Variants in PDE9A observed in about 807,000 individuals in gnomAD.
PDE9A encodes high affinity cGMP-specific 3',5'-cyclic phosphodiesterase 9A.
In PDE9A, 60 loss-of-function variants were observed where a neutral mutation model predicts 87.4. The ratio of observed to expected loss-of-function variants is 0.69; its 90% CI spans 0.56 to 0.85. PDE9A has a LOEUF of 0.85. PDE9A is among the 40% of genes least tolerant of loss of function. PDE9A has a pLI of 0.00. For synonymous variants in PDE9A, 272 were observed against 279.4 expected (o/e 0.97, Z 0.27); for missense variants, 665 against 779.0 (o/e 0.85, Z 1.74).
intron 4 of PDE9A, among the ~76,000 whole-genome samples, chr21:42,710,944 C>T (rs570067152): frequency 3.4e-4 from 52 of 152,174 alleles, no homozygotes; most frequent in African/African-American, 1.2e-3. Flanking sequence ...GCTGAGATCG[C>T]GCCTTGCACT....
chr21:42,718,729 C>T (rs1418584426), intron 4 of PDE9A, among the ~76,000 whole-genome samples: 1 of 151,782 alleles, frequency 6.6e-6, no homozygotes, highest in African/African-American at 2.4e-5. Context: ...ATTAAAGTCT[C>T]GTTTGCTCAT....
chr21:42,684,402 C>T (rs1002051559), intron 1 of PDE9A, among the ~76,000 whole-genome samples: 1 of 152,204 alleles, frequency 6.6e-6, no homozygotes, highest in Admixed American at 6.5e-5. Context: ...CGACCCCAGC[C>T]CAGGCTCTGC....
At chr21:42,658,714 G>A (rs968493453) in intron 1 of PDE9A, among the ~76,000 whole-genome samples, 2 of 152,118 alleles carry the variant, frequency 1.3e-5, no homozygotes, top group Non-Finnish European at 2.9e-5. Context: ...GGTGGACGGC[G>A]GCTCTCCTCG....
intron 4 of PDE9A, among the ~76,000 whole-genome samples, chr21:42,727,077 CAAAAAAAA>C (rs34249348): frequency 4.9e-5 from 4 of 81,676 alleles, no homozygotes; most frequent in South Asian, 4.4e-4. Flanking sequence ...TCTATTTCTA[CAAAAAAAA>C]AAAAAAAAAA....
chr21:42,662,970 G>A (rs961433225), intron 1 of PDE9A, among the ~76,000 whole-genome samples: 6 of 116,804 alleles, frequency 5.1e-5, no homozygotes, highest in Non-Finnish European at 8.7e-5. Context: ...CACACGCCAC[G>A]CGCCTCACAC....
intron 1 of PDE9A, among the ~76,000 whole-genome samples, chr21:42,676,255 C>T (rs1005677913): frequency 1.3e-5 from 2 of 152,154 alleles, no homozygotes; most frequent in Non-Finnish European, 2.9e-5. Flanking sequence ...GCAAGAACAG[C>T]CTCATGCACT....
At chr21:42,726,618 A>ATT (rs1486108848) in intron 4 of PDE9A, among the ~76,000 whole-genome samples, 9 of 23,036 alleles carry the variant, frequency 3.9e-4, no homozygotes, top group African/African-American at 1.3e-3. Context: ...ATATATATAT[A>ATT]TATATATTTT....
At chr21:42,758,214 C>T (rs778190305) in intron 10 of PDE9A, 1 of 152,264 alleles carries the variant, frequency 6.6e-6, no homozygotes, top group Non-Finnish European at 1.5e-5. Flanking sequence ...AAAATCACTT[C>T]ATCTTTTCCT....
intron 4 of PDE9A, among the ~76,000 whole-genome samples, chr21:42,718,957 G>A (rs990950042): frequency 6.6e-6 from 1 of 151,716 alleles, no homozygotes; most frequent in Non-Finnish European, 1.5e-5. Flanking sequence ...TCTGAACTTC[G>A]TGCAGCCTGG....
chr21:42,660,165 C>T lies in PDE9A; in HGVS notation c.69+6282C>T, dbSNP rs1009051793. Among the ~76,000 whole-genome samples the T allele has an allele frequency of 2.0e-5, 3 of 152,166 alleles. No individual in the cohort carries two copies. The highest frequency in any genetic ancestry group is 6.5e-5 in the Admixed American group (1 of 15,282). On this transcript the variant is annotated intron_variant, in intron 1 of 19. Transcript: ENST00000291539. This position sits in a 1 kb window ranked among gnomAD's most constrained non-coding sequence, Gnocchi z 4.7. ...CCTGGGTGCAGGTGACCCAGCAAGC[C>T]GCACTCCTGGGAAATTTCAGAAGGT...
intron 1 of PDE9A, among the ~76,000 whole-genome samples, chr21:42,664,256 C>T (rs2057804444): frequency 6.6e-6 from 1 of 152,244 alleles, no homozygotes; most frequent in Non-Finnish European, 1.5e-5. Flanking sequence ...GGTGCCTCAC[C>T]TCGCAGCATG....
chr21:42,672,432 A>C (rs528374755), intron 1 of PDE9A, among the ~76,000 whole-genome samples: 2 of 152,230 alleles, frequency 1.3e-5, no homozygotes, highest in African/African-American at 2.4e-5. Flanking sequence ...GTGTGGTCTC[A>C]GTCCCCATTG....
rs1253041281 is a variant in PDE9A at position 42,704,578 on chromosome 21, C to T, written c.262+5567C>T. Among the ~76,000 whole-genome samples, 2 of 152,224 alleles carry T rather than the reference C, an allele frequency of 1.3e-5. No homozygotes were observed. Among genetic ancestry groups the T allele is most frequent in the African/African-American group, 4.8e-5 (2 of 41,452 alleles). ...AACCTTCCCTCTCCCGTCCATCGGC[C>T]TTGGGTCCCAGAGCCACTGAGCCGT... is the stretch of plus-strand genomic sequence containing the variant. On this transcript the variant is annotated intron_variant, in intron 4 of 19. Transcript: ENST00000291539. The surrounding 1 kb of genome is among the most constrained non-coding windows in gnomAD (Gnocchi z 5.3).
At chr21:42,751,055 C>G in intron 8 of PDE9A, 61 bp from the exon 9 acceptor site, 1 of 1,100,326 alleles carries the variant, frequency 9.1e-7, no homozygotes, top group Non-Finnish European at 1.4e-6. Context: ...TTTTGCTGTG[C>G]TGAGGGCTTC....
At chr21:42,685,629 G>C (rs1006279459) in intron 1 of PDE9A, among the ~76,000 whole-genome samples, 5 of 151,876 alleles carry the variant, frequency 3.3e-5, no homozygotes, top group Non-Finnish European at 5.9e-5. Flanking sequence ...ACCACGCCCG[G>C]CTAATTTTTT....
chr21:42,764,442 C>A (rs1470008355), intron 14 of PDE9A, among the ~76,000 whole-genome samples: 16 of 152,234 alleles, frequency 1.1e-4, no homozygotes, highest in Admixed American at 7.2e-4. Context: ...GCTGCATCTG[C>A]CACTGCTACC....
intron 1 of PDE9A, among the ~76,000 whole-genome samples, chr21:42,685,962 G>A (rs574985874): frequency 1.3e-5 from 2 of 152,224 alleles, no homozygotes; most frequent in African/African-American, 2.4e-5. Flanking sequence ...AGGGGGCATC[G>A]CTGTATTTTT....
chr21:42,670,632 TAC>T (rs1215171822), intron 1 of PDE9A, among the ~76,000 whole-genome samples: 3 of 150,290 alleles, frequency 2.0e-5, no homozygotes, highest in South Asian at 2.1e-4. Flanking sequence ...CACACACACA[TAC>T]ACTTACAAAC....
At chr21:42,768,507 A>C in intron 16 of PDE9A, 1 of 1,267,476 alleles carries the variant, frequency 7.9e-7, no homozygotes, top group Non-Finnish European at 1.0e-6. Context: ...AAAAGCTAAT[A>C]CTCTAAAACT....
Sources: gnomAD v4.1 joint callset for allele counts (sites outside exome capture counted in the v4.1 genomes callset) on GRCh38, gnomAD v4.1.1 for gene constraint, Gnocchi (gnomAD v3.1) non-coding constraint, MANE v1.5 for transcripts, NCBI Gene and HGNC (gene_info 2026-07-23, HGNC 2026-07-21) for gene names.